Variants in PRPF3 observed in about 807,000 individuals in gnomAD.
The protein encoded by PRPF3 is U4/U6 small nuclear ribonucleoprotein Prp3.
In PRPF3, 3 loss-of-function variants were observed where a neutral mutation model predicts 89.2. That is an observed-to-expected ratio of 0.03 (90% CI 0.02 to 0.09). The LOEUF is 0.09. Among genes scored for constraint, PRPF3 ranks in the 10% least tolerant of loss-of-function variants. The pLI is 1.00. For missense variants in PRPF3, 463 were observed against 828.8 expected (o/e 0.56, Z 5.42); for synonymous variants, 270 against 289.1 (o/e 0.93, Z 0.67).
chr1:150,347,163 ATT>A (rs1218279924), intron 14 of PRPF3, among the ~76,000 whole-genome samples: 1 of 145,632 alleles, frequency 6.9e-6, no homozygotes. Flanking sequence ...TTATTATTTG[ATT>A]TTTTTTTTTT....
At chr1:150,328,034 A>C in intron 3 of PRPF3, 1 of 400,704 alleles carries the variant, frequency 2.5e-6, no homozygotes, top group South Asian at 2.5e-5. Flanking sequence ...GTTGTGGAAA[A>C]GTTGAGAGAA....
At chr1:150,352,320 C>T (rs937952449) in intron 15 of PRPF3, among the ~76,000 whole-genome samples, 23 of 152,200 alleles carry the variant, frequency 1.5e-4, no homozygotes, top group African/African-American at 5.5e-4. Flanking sequence ...TTCCTCACTT[C>T]ATTTCAAAAA....
At chr1:150,347,275 TACACACACAC>T (rs781861293) in intron 14 of PRPF3, among the ~76,000 whole-genome samples, 1 of 150,442 alleles carries the variant, frequency 6.6e-6, no homozygotes, top group African/African-American at 2.4e-5. Flanking sequence ...TACACATACA[TACACACACAC>T]ACACATACAT....
chr1:150,330,785 C>A (rs186162982), intron 4 of PRPF3, among the ~76,000 whole-genome samples: 2 of 149,130 alleles, frequency 1.3e-5, no homozygotes, highest in Non-Finnish European at 3.0e-5. Flanking sequence ...GGCGCTATCT[C>A]GGCTCACTGC....
At chr1:150,345,784 T>G (rs1325300444) in intron 12 of PRPF3, 10 of 527,402 alleles carry the variant, frequency 1.9e-5, no homozygotes, top group Non-Finnish European at 3.4e-5. Flanking sequence ...AGAGTAAACT[T>G]TGGTTAGTAA....
intron 4 of PRPF3, 81 bp downstream of exon 4, chr1:150,328,547 ATTTTTTTTTT>A: frequency 3.5e-6 from 2 of 579,110 alleles, no homozygotes; most frequent in Non-Finnish European, 4.9e-6. Flanking sequence ...TTATTGTGGA[ATTTTTTTTTT>A]TTTTTTTTTT....
In PRPF3 at chr1:150,335,163, T is replaced by C. The variant is rs199721048; in HGVS notation, c.957T>C (p.Pro319=). 155 of 1,613,952 alleles carry C rather than the reference T, an allele frequency of 9.6e-5. No homozygotes were observed. Among genetic ancestry groups the C allele is most frequent in the Non-Finnish European group, 1.2e-4 (143 of 1,179,978 alleles). The part of the protein sequence containing the change: ...TFFDPRVSIA[P]SQRQRRTFKF... ...TTGACCCCCGAGTCTCCATTGCCCC[T>C]TCCCAGCGCCAGAGACGCACTTTTA... is the stretch of plus-strand genomic sequence containing the variant. Residue 319 remains proline (P), a synonymous_variant, in exon 7 of 16, where the codon CCT becomes CCC. Transcript: ENST00000324862.
At position 150,352,892 on chromosome 1, in the gene PRPF3, C is replaced by T; in HGVS notation, c.1965C>T (p.Asn655=). The T allele has an allele frequency of 6.2e-7, 1 of 1,614,180 alleles. No individual in the cohort carries two copies. Residue 655 remains asparagine, a synonymous_variant, in exon 16 of 16, where the codon AAC becomes AAT. Transcript: ENST00000324862. ...EMKFKQCPTE[N]MAREHFKKHG... is the part of the protein sequence containing the mutation. ...AGTTTAAACAGTGTCCTACAGAGAA[C>T]ATGGCTCGTGAGCATTTCAAAAAGC...
At position 150,324,881 on chromosome 1, in the gene PRPF3, T is replaced by TTTC; in HGVS notation, c.-48-12_-48-11insCTT. On this transcript the variant is annotated splice_polypyrimidine_tract_variant and intron_variant, in intron 1 of 15. Coordinates refer to ENST00000324862, the MANE Select transcript of PRPF3 (RefSeq NM_004698.4). ...CTTTTCTTATTCTCTAACTTGTCTCTTTTTTTTTTTTAGGTGTAGTATTGA... is the reference window on the plus strand; with the variant it reads ...CTTTTCTTATTCTCTAACTTGTCTCTTTCTTTTTTTTTTTAGGTGTAGTATTGA... 7.5e-7 allele frequency: 1 copy of TTTC among 1,329,358 alleles called. No individual in the cohort carries two copies. The allele number at this position is 1,329,358 out of a possible 1,614,324, so 82.3% of individuals were successfully genotyped here.
At chr1:150,326,693 A>AAT (rs1174072621) in intron 3 of PRPF3, among the ~76,000 whole-genome samples, 2 of 151,566 alleles carry the variant, frequency 1.3e-5, no homozygotes, top group Non-Finnish European at 2.9e-5. Context: ...TAAAAAAAAA[A>AAT]GCAGAGAGAT....
At chr1:150,326,538 C>T (rs144225302) in intron 3 of PRPF3, among the ~76,000 whole-genome samples, 93 of 152,046 alleles carry the variant, frequency 6.1e-4, no homozygotes, top group African/African-American at 2.2e-3. Flanking sequence ...TTCCCAGTAT[C>T]TCTCTTTAGG....
intron 15 of PRPF3, 122 bp downstream of exon 15, chr1:150,349,340 T>C (rs1658653736): frequency 1.2e-6 from 1 of 817,844 alleles, no homozygotes; most frequent in South Asian, 1.5e-5. Flanking sequence ...AATTTATGTT[T>C]CTTTTTGGAA....
intron 4 of PRPF3, among the ~76,000 whole-genome samples, chr1:150,331,219 A>G (rs1656335536): frequency 6.6e-6 from 1 of 150,764 alleles, no homozygotes; most frequent in Non-Finnish European, 1.5e-5. Context: ...TTGTATTTTT[A>G]GTAGAGATGG....
At chr1:150,342,169 C>A (rs1426081081) in intron 9 of PRPF3, among the ~76,000 whole-genome samples, 1 of 151,734 alleles carries the variant, frequency 6.6e-6, no homozygotes, top group Non-Finnish European at 1.5e-5. Flanking sequence ...ATCACGAGGT[C>A]AAGAAATCAA....
At chr1:150,326,136 T>C (rs1655683429) in intron 3 of PRPF3, among the ~76,000 whole-genome samples, 2 of 152,290 alleles carry the variant, frequency 1.3e-5, no homozygotes, top group African/African-American at 4.8e-5. Flanking sequence ...TTGATTCTCA[T>C]GTTTCTCCAT....
chr1:150,351,454 G>T (rs993053091), intron 15 of PRPF3, among the ~76,000 whole-genome samples: 11 of 151,654 alleles, frequency 7.3e-5, no homozygotes, highest in African/African-American at 2.7e-4. Context: ...CATAGTATTT[G>T]TTCTCTGTTT....
intron 9 of PRPF3, among the ~76,000 whole-genome samples, chr1:150,342,555 TG>T (rs1295258880): frequency 1.3e-5 from 2 of 151,966 alleles, no homozygotes; most frequent in Admixed American, 6.6e-5. Context: ...CTCGCTGTGT[TG>T]CCAGGCTAGA....
At chr1:150,340,659 T>C (rs1657595443) in intron 9 of PRPF3, among the ~76,000 whole-genome samples, 182 bp downstream of exon 9, 1 of 152,186 alleles carries the variant, frequency 6.6e-6, no homozygotes, top group African/African-American at 2.4e-5. Context: ...TGAACATACA[T>C]TTTAAGTGCA....
rs14654 is a variant in PRPF3, at chr1:150,353,076, C to A, written c.*97C>A. The A allele has an allele frequency of 6.6e-7, 1 of 1,520,124 alleles. No homozygotes were observed. 94.2% of individuals were successfully genotyped at this position (1,520,124 alleles called of 1,614,324 possible). A position where few individuals can be genotyped will look rare whatever the true frequency, so the allele number is the denominator to read the frequency against. On this transcript the variant is annotated 3_prime_UTR_variant, in exon 16 of 16. Coordinates refer to ENST00000324862, the MANE Select transcript of PRPF3 (RefSeq NM_004698.4). ...ACCCCCTCCCACTTGTTTGTGTGAT[C>A]TCAGAACTGTGCCAAGCAGACACTG...
Sources: allele counts gnomAD v4.1 joint callset (sites outside exome capture counted in the v4.1 genomes callset), GRCh38; gene constraint gnomAD v4.1.1; transcripts MANE v1.5; gene names NCBI Gene and HGNC (gene_info 2026-07-23, HGNC 2026-07-21).